Variants in CCDC170 observed in about 807,000 individuals in gnomAD.
CCDC170 encodes the protein coiled-coil domain containing 170, also known as coiled-coil domain-containing protein 170.
CCDC170 carries 69 observed loss-of-function variants against 72.6 expected under a neutral mutation model. That is an observed-to-expected ratio of 0.95 (90% CI 0.78 to 1.16). The LOEUF is 1.16. CCDC170 is among the 50% of genes most tolerant of loss of function. The pLI, the probability that CCDC170 is intolerant of heterozygous loss-of-function variation, is 0.00. For missense variants in CCDC170, 852 were observed against 832.5 expected, an observed-to-expected ratio of 1.02 and a Z score of -0.29; for synonymous variants, 300 against 303.9, an observed-to-expected ratio of 0.99 and a Z score of 0.13.
rs369374151 is a variant in CCDC170, at chr6:151,548,307, A to G, written c.592A>G (p.Arg198Gly). 19 of 1,570,206 alleles carry G rather than the reference A, an allele frequency of 1.2e-5. No individual in the cohort carries two copies. In the East Asian group the frequency reaches 2.2e-4, roughly 19 times the overall value. ...GCTGTAATTGCTTTCTCTTCAGCTT[A>G]GAGACCTGCGCAAAGAAAATGAATT... ...ASDEDLILKLRDLRKENEFVK... is the reference protein window; with the variant it reads ...ASDEDLILKLGDLRKENEFVK... The change falls in exon 5 of 11, where the codon AGA becomes GGA. Residue 198 changes from arginine to glycine, a missense_variant. Physicochemically the swap from Arg to Gly is moderately radical, Grantham distance 125. Transcript: ENST00000239374.
rs575713437 is a variant in CCDC170 at position 151,502,537 on chromosome 6, A to G, written c.57+8352A>G. Among the ~76,000 whole-genome samples the G allele has an allele frequency of 7.2e-5, 11 of 152,338 alleles. No individual in the cohort carries two copies. In the South Asian group the frequency reaches 2.3e-3, roughly 32 times the overall value. Reference sequence around the variant, plus strand: ...AACCTCAATATCTGTGCAAGAAGGAACAATTTTAAGACTTGACTATAATTG... The same window carrying G: ...AACCTCAATATCTGTGCAAGAAGGAGCAATTTTAAGACTTGACTATAATTG... On this transcript the variant is annotated intron_variant, in intron 1 of 10. Transcript: ENST00000239374.
rs868000563 is a variant in CCDC170 at position 151,568,106 on chromosome 6, A to G, written c.775-5068A>G. 5.0e-3 allele frequency among the ~76,000 whole-genome samples: 157 copies of G among 31,412 alleles called. 3 individuals carry two copies. The highest frequency in any genetic ancestry group is 0.018 in the African/African-American group (145 of 7,862). The allele number at this position is 31,412 out of a possible 152,430, so 20.6% of individuals were successfully genotyped here. On this transcript the variant is annotated intron_variant, in intron 5 of 10. Transcript: ENST00000239374. ...GCCTGGGCGACAGAGTGAGACTCTGAAAAAAAAAAAAAAAAAAAAAAAAAA... is the reference window on the plus strand; with the variant it reads ...GCCTGGGCGACAGAGTGAGACTCTGGAAAAAAAAAAAAAAAAAAAAAAAAA...
At chr6:151,552,969 G>C (rs1285368248) in intron 5 of CCDC170, among the ~76,000 whole-genome samples, 5 of 151,546 alleles carry the variant, frequency 3.3e-5, no homozygotes, top group South Asian at 2.1e-4. Flanking sequence ...TGTATTTTTA[G>C]TAGAGAGAGG....
At chr6:151,497,190 G>C (rs1781923329) in intron 1 of CCDC170, among the ~76,000 whole-genome samples, 1 of 151,698 alleles carries the variant, frequency 6.6e-6, no homozygotes, top group Non-Finnish European at 1.5e-5. Flanking sequence ...AAGAGTTTAA[G>C]ACCAGACTGG....
chr6:151,621,035 G>T lies in CCDC170; in HGVS notation c.*2888G>T, dbSNP rs935284298. On this transcript the variant is annotated 3_prime_UTR_variant, in exon 11 of 11. Transcript: ENST00000239374. ...TAACATACTCAGAAATATGAAAAAT[G>T]TTTGAATATGATCTTTAGGGACTTC... The T allele has an allele frequency of 3.3e-5, 5 of 152,104 alleles. No individual in the cohort carries two copies. Among genetic ancestry groups the T allele is most frequent in the African/African-American group, 1.2e-4 (5 of 41,410 alleles). 9.4% of individuals were successfully genotyped at this position (152,104 alleles called of 1,614,324 possible). A position where few individuals can be genotyped will look rare whatever the true frequency, so the allele number is the denominator to read the frequency against.
Position 151,618,171 on chromosome 6 carries a change from G to T in CCDC170, c.*24G>T. ...GAACACTGTATCTCTTGAGAGAGGT[G>T]GCCATAAGACATGGCACACAATTCC... On this transcript the variant is annotated 3_prime_UTR_variant, in exon 11 of 11. Transcript: ENST00000239374. 3.8e-6 allele frequency: 6 copies of T among 1,591,844 alleles called. No individual in the cohort carries two copies. Among genetic ancestry groups the T allele is most frequent in the Non-Finnish European group, 4.3e-6 (5 of 1,162,366 alleles).
intron 5 of CCDC170, among the ~76,000 whole-genome samples, chr6:151,566,612 A>G (rs1471797645): frequency 6.6e-6 from 1 of 152,210 alleles, no homozygotes; most frequent in Non-Finnish European, 1.5e-5. Context: ...CGATAATGAA[A>G]ATCAGAATAA....
At chr6:151,602,789 C>T (rs1776729317) in intron 9 of CCDC170, among the ~76,000 whole-genome samples, 2 of 151,652 alleles carry the variant, frequency 1.3e-5, no homozygotes, top group Non-Finnish European at 2.9e-5. Context: ...TACCCAGTCT[C>T]AGATATTTCT....
intron 1 of CCDC170, among the ~76,000 whole-genome samples, chr6:151,512,163 T>G (rs1249612136): frequency 1.7e-5 from 2 of 118,580 alleles, no homozygotes; most frequent in Non-Finnish European, 3.3e-5. Flanking sequence ...TTTTTTTTTG[T>G]TTTTTTTTTT....
intron 1 of CCDC170, among the ~76,000 whole-genome samples, chr6:151,494,549 A>G (rs1781881557): frequency 1.3e-5 from 2 of 152,174 alleles, no homozygotes; most frequent in Admixed American, 6.5e-5. Flanking sequence ...CTTCGGAGCA[A>G]TTTCTGGAAA....
intron 7 of CCDC170, among the ~76,000 whole-genome samples, chr6:151,591,936 C>G (rs2115112987): frequency 6.6e-6 from 1 of 152,276 alleles, no homozygotes; most frequent in Admixed American, 6.5e-5. Context: ...AAAGTGGCAA[C>G]TGGCTAAGTT....
chr6:151,600,492 C>T (rs1776690050), intron 9 of CCDC170, among the ~76,000 whole-genome samples: 1 of 152,058 alleles, frequency 6.6e-6, no homozygotes, highest in South Asian at 2.1e-4. Context: ...TAAGGACACC[C>T]ATTGTTGGTG....
chr6:151,519,007 T>C (rs543990321), intron 1 of CCDC170, among the ~76,000 whole-genome samples: 1 of 152,212 alleles, frequency 6.6e-6, no homozygotes, highest in Non-Finnish European at 1.5e-5. Flanking sequence ...TAAGGGTCTA[T>C]GTTCAGCTGT....
chr6:151,612,873 C>T (rs947418965), intron 9 of CCDC170, among the ~76,000 whole-genome samples: 13 of 151,972 alleles, frequency 8.6e-5, no homozygotes, highest in African/African-American at 2.4e-4. Flanking sequence ...CAAAATAATG[C>T]TTTTTCTTTG....
At chr6:151,549,825 C>G (rs929592275) in intron 5 of CCDC170, among the ~76,000 whole-genome samples, 3 of 152,182 alleles carry the variant, frequency 2.0e-5, no homozygotes, top group Admixed American at 1.3e-4. Context: ...ACTCTGCACA[C>G]TATATGTTTC....
chr6:151,525,822 TA>T (rs1419967030), intron 1 of CCDC170, among the ~76,000 whole-genome samples: 1 of 152,226 alleles, frequency 6.6e-6, no homozygotes, highest in Non-Finnish European at 1.5e-5. Flanking sequence ...AACATGCATA[TA>T]AAATTAGAAG....
At chr6:151,520,776 T>G (rs1782303757) in intron 1 of CCDC170, among the ~76,000 whole-genome samples, 1 of 152,120 alleles carries the variant, frequency 6.6e-6, no homozygotes, top group African/African-American at 2.4e-5. Context: ...AGGAACTGAC[T>G]CAGCACAAGA....
chr6:151,575,387 C>T (rs529887742), intron 6 of CCDC170, among the ~76,000 whole-genome samples: 41 of 146,486 alleles, frequency 2.8e-4, no homozygotes, highest in Admixed American at 1.4e-3. Context: ...GAGCCGAGAT[C>T]GTGCCACTGC....
chr6:151,498,731 A>G (rs570069146), intron 1 of CCDC170, among the ~76,000 whole-genome samples: 1 of 152,248 alleles, frequency 6.6e-6, no homozygotes, highest in East Asian at 1.9e-4. Context: ...ACGGTGTATA[A>G]GTGGAATCAG....
Sources: gnomAD v4.1 joint callset for allele counts (sites outside exome capture counted in the v4.1 genomes callset) on GRCh38, gnomAD v4.1.1 for gene constraint, MANE v1.5 for transcripts, NCBI Gene and HGNC (gene_info 2026-07-23, HGNC 2026-07-21) for gene names.